Variants in CLOCK observed in about 807,000 individuals in gnomAD.
CLOCK encodes the protein circadian locomoter output cycles protein kaput.
In CLOCK, 43 loss-of-function variants were observed where a neutral mutation model predicts 118.4. That is an observed-to-expected ratio of 0.36 (90% CI 0.28 to 0.47). The LOEUF (loss-of-function observed/expected upper bound fraction) is 0.47. CLOCK is among the 20% of genes least tolerant of loss of function. The pLI, the probability that CLOCK is intolerant of heterozygous loss-of-function variation, is 1.00. For synonymous variants in CLOCK, 326 were observed against 339.2 expected, an observed-to-expected ratio of 0.96 and a Z score of 0.43; for missense variants, 846 against 999.9, an observed-to-expected ratio of 0.85 and a Z score of 2.08.
At chr4:55,539,475 G>A (rs116161619) in intron 1 of CLOCK, among the ~76,000 whole-genome samples, 2 of 150,582 alleles carry the variant, frequency 1.3e-5, no homozygotes, top group African/African-American at 2.4e-5. Context: ...TGAGGAGGCT[G>A]AGGTGAAGGA....
chr4:55,463,356 C>T (rs746800406), intron 9 of CLOCK, among the ~76,000 whole-genome samples: 170 of 151,822 alleles, frequency 1.1e-3, no homozygotes, highest in Non-Finnish European at 2.0e-3. Context: ...TTAATTTTCC[C>T]TTATTAAATA....
At chr4:55,534,782 A>G (rs555558323) in intron 1 of CLOCK, among the ~76,000 whole-genome samples, 40 of 147,254 alleles carry the variant, frequency 2.7e-4, no homozygotes, top group African/African-American at 9.5e-4. Context: ...CACTACTGAG[A>G]AAAATGAAAG....
Position 55,458,977 on chromosome 4 carries a change from G to T in CLOCK, c.707C>A (p.Thr236Asn). The T allele has an allele frequency of 1.2e-6, 2 of 1,613,912 alleles. No individual in the cohort carries two copies. Among genetic ancestry groups the T allele is most frequent in the Non-Finnish European group, 1.7e-6 (2 of 1,179,874 alleles). ...AGATGGCCTATGTGTGCGTTGTATAGTTCCTTCAAAACCATTGTGTGCTGA... is the reference window on the plus strand; with the variant it reads ...AGATGGCCTATGTGTGCGTTGTATATTTCCTTCAAAACCATTGTGTGCTGA... The part of the protein sequence containing the change: ...SSSAHNGFEG[T>N]IQRTHRPSYE... The change falls in exon 11 of 23, where the codon ACT (threonine) becomes AAT (asparagine). Residue 236 changes from threonine (T) to asparagine (N), a missense_variant. Physicochemically the swap from Thr to Asn is moderately conservative, Grantham distance 65 (BLOSUM62 0). Coordinates refer to ENST00000513440, the MANE Select transcript of CLOCK (RefSeq NM_004898.4).
At chr4:55,522,596 A>C (rs768509299) in intron 1 of CLOCK, among the ~76,000 whole-genome samples, 1 of 152,200 alleles carries the variant, frequency 6.6e-6, no homozygotes, top group African/African-American at 2.4e-5. Flanking sequence ...AGGTAACTTA[A>C]ACAGGTATCC....
At chr4:55,519,964 A>G (rs1025417187) in intron 1 of CLOCK, among the ~76,000 whole-genome samples, 1 of 151,752 alleles carries the variant, frequency 6.6e-6, no homozygotes, top group Admixed American at 6.6e-5. Context: ...TCTGAAGTAC[A>G]GGGATCCACT....
At chr4:55,485,364 C>T (rs1254454578) in intron 3 of CLOCK, among the ~76,000 whole-genome samples, 1 of 152,178 alleles carries the variant, frequency 6.6e-6, no homozygotes, top group Non-Finnish European at 1.5e-5. Flanking sequence ...ATAGGCTGGA[C>T]ATGCACCCTA....
At chr4:55,450,311 CA>C (rs1013888022) in intron 15 of CLOCK, 79 bp from the exon 16 acceptor site, 4 of 1,563,184 alleles carry the variant, frequency 2.6e-6, no homozygotes, top group East Asian at 4.5e-5. Flanking sequence ...TTAACAACAA[CA>C]AAAAAATCAG....
intron 9 of CLOCK, among the ~76,000 whole-genome samples, chr4:55,461,227 C>T (rs1314000960): frequency 6.6e-6 from 1 of 152,152 alleles, no homozygotes; most frequent in African/African-American, 2.4e-5. Flanking sequence ...TGTGCTCAGC[C>T]CATCCTTACT....
intron 14 of CLOCK, 152 bp from the exon 15 acceptor site, chr4:55,453,281 T>C (rs917817502): frequency 6.3e-5 from 40 of 634,708 alleles, no homozygotes; most frequent in Non-Finnish European, 1.1e-4. Context: ...CTATAATGTC[T>C]TAATTTAACT....
At chr4:55,484,929 T>G (rs1173326186) in intron 3 of CLOCK, among the ~76,000 whole-genome samples, 1 of 152,116 alleles carries the variant, frequency 6.6e-6, no homozygotes, top group African/African-American at 2.4e-5. Context: ...CAAAAATTAT[T>G]TGTCGTCCAG....
At position 55,435,387 on chromosome 4, in the gene CLOCK, C is replaced by T. The variant is rs571358489; in HGVS notation, c.*28G>A. On this transcript the variant is annotated 3_prime_UTR_variant, in exon 23 of 23. Transcript: ENST00000513440. ...TCTTAATGGGCCATCCCCTTCCTCCCTTGATGTCAAGAGAGGAAGCACGTG... is the reference window on the plus strand; with the variant it reads ...TCTTAATGGGCCATCCCCTTCCTCCTTTGATGTCAAGAGAGGAAGCACGTG... 1 of 1,613,568 alleles carries T rather than the reference C, an allele frequency of 6.2e-7. No individual in the cohort carries two copies. Among genetic ancestry groups the T allele is most frequent in the African/African-American group, 1.3e-5 (1 of 75,018 alleles).
At chr4:55,473,463 T>TAAC (rs1239770155) in intron 7 of CLOCK, among the ~76,000 whole-genome samples, 4 of 152,224 alleles carry the variant, frequency 2.6e-5, no homozygotes, top group Middle Eastern at 3.2e-3. Flanking sequence ...TTTCGTATGG[T>TAAC]AACATTTCTG....
intron 1 of CLOCK, among the ~76,000 whole-genome samples, chr4:55,515,589 TA>T (rs1265471594): frequency 6.6e-6 from 1 of 152,174 alleles, no homozygotes; most frequent in Non-Finnish European, 1.5e-5. Flanking sequence ...TTCACCGTGT[TA>T]GCCAGGATGG....
chr4:55,540,922 T>C (rs916233737), intron 1 of CLOCK: 3 of 152,198 alleles, frequency 2.0e-5, no homozygotes, highest in African/African-American at 7.2e-5. Context: ...GTCGTCATTA[T>C]TAATGTAAAA....
chr4:55,504,569 A>C (rs1454156472), intron 2 of CLOCK, among the ~76,000 whole-genome samples: 1 of 152,124 alleles, frequency 6.6e-6, no homozygotes, highest in Non-Finnish European at 1.5e-5. Flanking sequence ...ACTTTTAAAC[A>C]AAGTATTTTT....
At chr4:55,520,243 T>C (rs114700929) in intron 1 of CLOCK, among the ~76,000 whole-genome samples, 9 of 152,226 alleles carry the variant, frequency 5.9e-5, no homozygotes, top group Non-Finnish European at 1.2e-4. Flanking sequence ...CATACCACAA[T>C]CCTTAAAATT....
intron 1 of CLOCK, among the ~76,000 whole-genome samples, chr4:55,544,351 T>G (rs954932743): frequency 7.2e-5 from 11 of 152,098 alleles, no homozygotes; most frequent in African/African-American, 2.7e-4. Context: ...TCATGAAACT[T>G]TGGGGTTAAG....
At chr4:55,527,635 C>T (rs1365653883) in intron 1 of CLOCK, among the ~76,000 whole-genome samples, 2 of 151,786 alleles carry the variant, frequency 1.3e-5, no homozygotes, top group African/African-American at 4.8e-5. Flanking sequence ...AATCCTGATA[C>T]AAATAAAGCA....
At position 55,463,724 on chromosome 4, in the gene CLOCK, G is replaced by A; in HGVS notation, c.520C>T (p.Leu174=). Residue 174 remains leucine, a synonymous_variant, in exon 9 of 23, where the codon CTG becomes TTG. Coordinates refer to ENST00000513440, the MANE Select transcript of CLOCK (RefSeq NM_004898.4). ...GGGGTTAATGAATCACTTTCCAGCA[G>A]ATGAGTAGAGAGTATTTTATAAACC... ...SEVYKILSTH[L]LESDSLTPEY... 6.2e-7 allele frequency: 1 copy of A among 1,612,880 alleles called. No individual in the cohort carries two copies. Among genetic ancestry groups the A allele is most frequent in the South Asian group, 1.1e-5 (1 of 91,060 alleles).
Sources: allele counts gnomAD v4.1 joint callset (sites outside exome capture counted in the v4.1 genomes callset), GRCh38; gene constraint gnomAD v4.1.1; transcripts MANE v1.5; gene names NCBI Gene and HGNC (gene_info 2026-07-23, HGNC 2026-07-21).